The following RBFOX1 variants were observed in gnomAD, a reference collection of about 807,000 sequenced individuals.
RBFOX1 encodes RNA binding protein fox-1 homolog 1.
RBFOX1 carries 8 observed loss-of-function variants against 57.7 expected under a neutral mutation model. The ratio of observed to expected loss-of-function variants is 0.14; its 90% CI spans 0.08 to 0.25. The LOEUF (loss-of-function observed/expected upper bound fraction) is 0.25. Ranked by LOEUF, RBFOX1 falls within the 10% of genes least tolerant of loss-of-function variation. The pLI is 1.00. For missense variants in RBFOX1, 611 were observed against 548.5 expected (o/e 1.11, Z -1.14); for synonymous variants, 326 against 222.4 (o/e 1.47, Z -4.15).
At chr16:6,259,780 A>T (rs2097690556) in intron 1 of RBFOX1, among the ~76,000 whole-genome samples, 1 of 152,072 alleles carries the variant, frequency 6.6e-6, no homozygotes, top group Non-Finnish European at 1.5e-5. Context: ...AAACATGCTG[A>T]GACGCCATTT....
intron 4 of RBFOX1, among the ~76,000 whole-genome samples, chr16:7,125,313 A>G (rs533656183): frequency 6.6e-6 from 1 of 152,266 alleles, no homozygotes; most frequent in Admixed American, 6.5e-5. Context: ...AGAAATCCAC[A>G]TAGTGGCAAG....
intron 3 of RBFOX1, among the ~76,000 whole-genome samples, chr16:6,676,964 C>T (rs1458536979): frequency 6.6e-6 from 1 of 152,094 alleles, no homozygotes; most frequent in Non-Finnish European, 1.5e-5. Context: ...GCATGAGCCA[C>T]CATGCCCAGC....
At chr16:5,345,444 G>T (rs940460440) in intron 1 of RBFOX1, among the ~76,000 whole-genome samples, 2 of 152,204 alleles carry the variant, frequency 1.3e-5, no homozygotes, top group Non-Finnish European at 2.9e-5. Flanking sequence ...TGGCCAGGGA[G>T]ATCAGCCGCT....
intron 3 of RBFOX1, among the ~76,000 whole-genome samples, chr16:5,822,624 C>G (rs2055895309): frequency 6.6e-6 from 1 of 152,086 alleles, no homozygotes; most frequent in East Asian, 1.9e-4. Flanking sequence ...GTGATAGGTA[C>G]ATTTAAAATA....
intron 2 of RBFOX1, among the ~76,000 whole-genome samples, chr16:6,544,423 A>T (rs1040065223): frequency 6.6e-6 from 1 of 152,160 alleles, no homozygotes; most frequent in Non-Finnish European, 1.5e-5. Context: ...TCTTGGCTTC[A>T]CTGGTCCAGC....
intron 3 of RBFOX1, among the ~76,000 whole-genome samples, chr16:5,629,372 G>C (rs563645641): frequency 3.3e-5 from 5 of 152,178 alleles, no homozygotes; most frequent in African/African-American, 1.2e-4. Flanking sequence ...AACCCACACA[G>C]CTCTGCCGTG....
intron 3 of RBFOX1, among the ~76,000 whole-genome samples, chr16:5,766,622 C>T (rs931511774): frequency 1.1e-4 from 16 of 152,054 alleles, no homozygotes. Context: ...AAACAGATCT[C>T]TTGACAGCTT....
intron 4 of RBFOX1, among the ~76,000 whole-genome samples, chr16:7,212,138 C>A (rs971076498): frequency 6.6e-6 from 1 of 152,150 alleles, no homozygotes; most frequent in African/African-American, 2.4e-5. Flanking sequence ...GGATAGGATT[C>A]ATTGGCATGA....
chr16:5,558,418 G>A (rs1033184029), intron 2 of RBFOX1, among the ~76,000 whole-genome samples: 1 of 152,050 alleles, frequency 6.6e-6, no homozygotes, highest in African/African-American at 2.4e-5. Context: ...AGAGGTCTGA[G>A]CATCGAGGAG....
At chr16:7,198,442 A>G (rs1430216380) in intron 4 of RBFOX1, among the ~76,000 whole-genome samples, 3 of 152,214 alleles carry the variant, frequency 2.0e-5, no homozygotes, top group Non-Finnish European at 4.4e-5. Flanking sequence ...TGTTATATGA[A>G]TTCCACCTCC....
chr16:6,453,110 CTTTT>C lies in RBFOX1; in HGVS notation c.-64+136057_-64+136060del, dbSNP rs1171963123. On this transcript the variant is annotated intron_variant, in intron 2 of 15. Coordinates refer to ENST00000550418, the MANE Select transcript of RBFOX1 (RefSeq NM_018723.4). Reference sequence around the variant, plus strand: ...CAAAATAGACAAAGCCCCTGACTTTCTTTTTTTAATTATTATCATCCTTTTAACT... The same window carrying C: ...CAAAATAGACAAAGCCCCTGACTTTCTTTAATTATTATCATCCTTTTAACT... Among the ~76,000 whole-genome samples, 14 of 152,190 alleles carry C rather than the reference CTTTT, an allele frequency of 9.2e-5. No individual in the cohort carries two copies. The South Asian group carries it at 1.7e-3, about 18-fold the overall frequency.
intron 1 of RBFOX1, among the ~76,000 whole-genome samples, chr16:5,272,980 C>G (rs1308218432): frequency 6.6e-6 from 1 of 152,180 alleles, no homozygotes. Flanking sequence ...CCTATAAAAT[C>G]TATTCTTTAA....
At chr16:5,409,166 G>C (rs1416403257) in intron 1 of RBFOX1, among the ~76,000 whole-genome samples, 1 of 152,222 alleles carries the variant, frequency 6.6e-6, no homozygotes, top group Non-Finnish European at 1.5e-5. Flanking sequence ...AGTTGGCATA[G>C]TCCTCACCAC....
intron 4 of RBFOX1, among the ~76,000 whole-genome samples, chr16:5,889,972 A>G (rs920812432): frequency 1.3e-5 from 2 of 152,336 alleles, no homozygotes; most frequent in South Asian, 4.1e-4. Context: ...TGCGTGTGAG[A>G]TGTAGCTCCA....
intron 1 of RBFOX1, among the ~76,000 whole-genome samples, chr16:5,293,392 A>G (rs1200698971): frequency 6.6e-6 from 1 of 152,136 alleles, no homozygotes; most frequent in African/African-American, 2.4e-5. Context: ...GTCATCTTCA[A>G]TGAGATGTCC....
chr16:6,598,228 T>C (rs1252415463), intron 2 of RBFOX1, among the ~76,000 whole-genome samples: 1 of 152,252 alleles, frequency 6.6e-6, no homozygotes, highest in Admixed American at 6.5e-5. Context: ...ACTATATAGT[T>C]TCTAACTTGC....
intron 4 of RBFOX1, among the ~76,000 whole-genome samples, chr16:5,971,782 C>T (rs759559259): frequency 2.0e-5 from 3 of 152,146 alleles, no homozygotes; most frequent in Non-Finnish European, 2.9e-5. Flanking sequence ...GCTGACTAGG[C>T]CATGGGGTGC....
chr16:6,310,496 C>G (rs891216741), intron 1 of RBFOX1, among the ~76,000 whole-genome samples: 36 of 152,156 alleles, frequency 2.4e-4, no homozygotes, highest in African/African-American at 8.2e-4. Context: ...GTAGTAGTGC[C>G]AGGTAATTTA....
At chr16:5,601,614 A>G (rs1049106213), downstream of RBFOX1, 4 of 152,208 alleles carry the variant, frequency 2.6e-5, no homozygotes, top group Admixed American at 1.3e-4. Context: ...TAATCTTGAA[A>G]TAACTATGTC....
Sources: gnomAD v4.1 joint callset for allele counts (sites outside exome capture counted in the v4.1 genomes callset) on GRCh38, gnomAD v4.1.1 for gene constraint, MANE v1.5 for transcripts, NCBI Gene and HGNC (gene_info 2026-07-23, HGNC 2026-07-21) for gene names.